Variants in R3HDM2 observed in about 807,000 individuals in gnomAD.
R3HDM2 encodes the protein R3H domain containing 2.
Under a neutral mutation model 124.5 loss-of-function variants are expected in R3HDM2, and 38 were observed. The ratio of observed to expected loss-of-function variants is 0.31; its 90% CI spans 0.24 to 0.40. The LOEUF (loss-of-function observed/expected upper bound fraction) is 0.40. R3HDM2 is among the 10% of genes least tolerant of loss of function. R3HDM2 has a pLI of 1.00. For synonymous variants in R3HDM2, 391 were observed against 448.0 expected, an observed-to-expected ratio of 0.87 and a Z score of 1.61; for missense variants, 869 against 1,236.9, an observed-to-expected ratio of 0.70 and a Z score of 4.46.
intron 1 of R3HDM2, among the ~76,000 whole-genome samples, chr12:57,417,675 A>C (rs2139469722): frequency 6.6e-6 from 1 of 152,348 alleles, no homozygotes; most frequent in East Asian, 1.9e-4. Flanking sequence ...TCAAAGAATT[A>C]TAATGCATTC....
At chr12:57,355,939 G>A (rs1416649549) in intron 2 of R3HDM2, among the ~76,000 whole-genome samples, 1 of 152,068 alleles carries the variant, frequency 6.6e-6, no homozygotes, top group Non-Finnish European at 1.5e-5. Flanking sequence ...TTTGTAACCT[G>A]AATCCTTCCT....
intron 2 of R3HDM2, among the ~76,000 whole-genome samples, chr12:57,338,837 G>C: frequency 6.6e-6 from 1 of 151,408 alleles, no homozygotes; most frequent in East Asian, 1.9e-4. Flanking sequence ...GAGAGAGAGA[G>C]AGATAGGGTC....
At chr12:57,328,000 T>G (rs2057549061) in intron 2 of R3HDM2, among the ~76,000 whole-genome samples, 1 of 152,128 alleles carries the variant, frequency 6.6e-6, no homozygotes, top group South Asian at 2.1e-4. Context: ...TAACATGCTA[T>G]CAAACTGTAC....
intron 1 of R3HDM2, among the ~76,000 whole-genome samples, chr12:57,426,571 G>C (rs1467161265): frequency 6.6e-6 from 1 of 152,194 alleles, no homozygotes; most frequent in Non-Finnish European, 1.5e-5. Context: ...GGTAGGGTCA[G>C]AGAAGTAACG....
At chr12:57,427,145 G>T (rs972663596) in intron 1 of R3HDM2, among the ~76,000 whole-genome samples, 2 of 151,818 alleles carry the variant, frequency 1.3e-5, no homozygotes, top group African/African-American at 4.8e-5. Context: ...ACAAAAATTA[G>T]TTGGACGTGG....
At chr12:57,409,755 T>C (rs1594568444) in intron 1 of R3HDM2, among the ~76,000 whole-genome samples, 2 of 152,220 alleles carry the variant, frequency 1.3e-5, no homozygotes, top group Admixed American at 1.3e-4. Flanking sequence ...ATATTCTTTA[T>C]GAATAGAAAT....
intron 2 of R3HDM2, among the ~76,000 whole-genome samples, chr12:57,336,306 C>T (rs767362202): frequency 4.6e-5 from 7 of 152,034 alleles, no homozygotes; most frequent in African/African-American, 7.3e-5. Context: ...TGAGTTTATA[C>T]CTAGAGGAAT....
intron 1 of R3HDM2, among the ~76,000 whole-genome samples, chr12:57,409,898 AGAAG>A (rs915016649): frequency 6.6e-6 from 1 of 152,184 alleles, no homozygotes; most frequent in Non-Finnish European, 1.5e-5. Context: ...AGGAAGAGCC[AGAAG>A]GAAGGAAAGA....
intron 20 of R3HDM2, among the ~76,000 whole-genome samples, 172 bp from the exon 21 acceptor site, chr12:57,258,309 ATTTT>A (rs2039673151): frequency 1.4e-5 from 2 of 143,184 alleles, no homozygotes; most frequent in Non-Finnish European, 3.1e-5. Flanking sequence ...CATTTATGCT[ATTTT>A]ATTTATTTAT....
chr12:57,365,796 C>T (rs1019741770), intron 2 of R3HDM2, among the ~76,000 whole-genome samples: 2 of 151,820 alleles, frequency 1.3e-5, no homozygotes, highest in African/African-American at 4.8e-5. Context: ...ATTAGCTGGG[C>T]GTGGTGGTAG....
chr12:57,372,105 GA>G (rs1450021348), intron 2 of R3HDM2, among the ~76,000 whole-genome samples: 1 of 152,172 alleles, frequency 6.6e-6, no homozygotes, highest in Non-Finnish European at 1.5e-5. Flanking sequence ...GACCTCAGGT[GA>G]TCCACCCACC....
chr12:57,314,731 C>A (rs950565236), intron 2 of R3HDM2, among the ~76,000 whole-genome samples: 1 of 152,132 alleles, frequency 6.6e-6, no homozygotes, highest in Non-Finnish European at 1.5e-5. Flanking sequence ...GTCTTAGAGT[C>A]ACAAAAAATT....
Position 57,297,387 on chromosome 12 carries a change from CCT to C in R3HDM2, c.501-2_501-1del. The C allele has an allele frequency of 6.6e-7, 1 of 1,518,982 alleles. No homozygotes were observed. The allele number at this position is 1,518,982 out of a possible 1,614,324, so 94.1% of individuals were successfully genotyped here. A position where few individuals can be genotyped will look rare whatever the true frequency, so the allele number is the denominator to read the frequency against. ...CTAATTTTAGCAGCATCATTCTGTC[CCT>C]GTTTAAAAAAGATTAAAACAAAACA... On this transcript the variant is annotated splice_acceptor_variant, in intron 7 of 23. Transcript: ENST00000402412. LOFTEE classifies it high-confidence loss of function.
intron 2 of R3HDM2, among the ~76,000 whole-genome samples, chr12:57,363,445 G>A (rs766118002): frequency 4.6e-5 from 7 of 152,052 alleles, no homozygotes; most frequent in Non-Finnish European, 8.8e-5. Context: ...GGAGGAATGG[G>A]GTATAGGGAG....
intron 2 of R3HDM2, among the ~76,000 whole-genome samples, chr12:57,370,790 T>G (rs1448738780): frequency 6.6e-6 from 1 of 152,100 alleles, no homozygotes; most frequent in African/African-American, 2.4e-5. Context: ...GTAAATTTAG[T>G]CTAGTTTGAC....
At chr12:57,427,619 G>A (rs1270262548) in intron 1 of R3HDM2, among the ~76,000 whole-genome samples, 1 of 151,808 alleles carries the variant, frequency 6.6e-6, no homozygotes, top group Non-Finnish European at 1.5e-5. Context: ...CAAAGTGCTG[G>A]GACTATAGGT....
rs548884068 is a variant in R3HDM2 at position 57,286,536 on chromosome 12, T to C, written c.938+2473A>G. On this transcript the variant is annotated intron_variant, in intron 12 of 23. Transcript: ENST00000402412. ...CTTAAGTGCCCACGATGCTGCATTT[T>C]AGATGACCTACATCTTCAATCAAAG... Among the ~76,000 whole-genome samples, 55 of 152,334 alleles carry C rather than the reference T, an allele frequency of 3.6e-4. 1 individual carries two copies. Among genetic ancestry groups the C allele is most frequent in the Admixed American group, 8.5e-4 (13 of 15,294 alleles).
intron 14 of R3HDM2, among the ~76,000 whole-genome samples, chr12:57,272,035 C>T (rs781777303): frequency 6.6e-6 from 1 of 152,100 alleles, no homozygotes; most frequent in Non-Finnish European, 1.5e-5. Flanking sequence ...GCTAGGACTA[C>T]AGGTGTGTGC....
chr12:57,293,011 C>A (rs1053044674), intron 10 of R3HDM2, among the ~76,000 whole-genome samples: 4 of 151,182 alleles, frequency 2.6e-5, no homozygotes, highest in African/African-American at 7.3e-5. Flanking sequence ...GGAAAAGGAA[C>A]AACACTGCTT....
Sources: gnomAD v4.1 joint callset for allele counts (sites outside exome capture counted in the v4.1 genomes callset) on GRCh38, gnomAD v4.1.1 for gene constraint, MANE v1.5 for transcripts, NCBI Gene and HGNC (gene_info 2026-07-23, HGNC 2026-07-21) for gene names.